The following PIK3CB variants were observed in gnomAD, a reference collection of about 807,000 sequenced individuals.
PIK3CB encodes the protein phosphatidylinositol 4,5-bisphosphate 3-kinase catalytic subunit beta isoform.
A neutral mutation model predicts 136.8 loss-of-function variants in PIK3CB; 39 were observed. The ratio of observed to expected loss-of-function variants is 0.29; its 90% CI spans 0.22 to 0.37. PIK3CB has a LOEUF of 0.37. PIK3CB is among the 10% of genes least tolerant of loss of function. The pLI is 1.00. For missense variants in PIK3CB, 868 were observed against 1,275.4 expected, an observed-to-expected ratio of 0.68 and a Z score of 4.87; for synonymous variants, 428 against 436.6, an observed-to-expected ratio of 0.98 and a Z score of 0.25.
At chr3:138,668,211 G>A (rs546208444) in intron 19 of PIK3CB, among the ~76,000 whole-genome samples, 1 of 152,208 alleles carries the variant, frequency 6.6e-6, no homozygotes, top group South Asian at 2.1e-4. Flanking sequence ...TTCTTATCAT[G>A]ACATAACACA....
At chr3:138,814,251 G>A (rs1042620901) in intron 1 of PIK3CB, among the ~76,000 whole-genome samples, 1 of 152,136 alleles carries the variant, frequency 6.6e-6, no homozygotes, top group African/African-American at 2.4e-5. Context: ...GCCCAGGCGG[G>A]AGGATCACTT....
At chr3:138,738,338 AT>A (rs1239447350) in intron 5 of PIK3CB, among the ~76,000 whole-genome samples, 2 of 151,944 alleles carry the variant, frequency 1.3e-5, no homozygotes, top group Non-Finnish European at 2.9e-5. Flanking sequence ...CGCCTGGCTA[AT>A]TTTTTGTATC....
chr3:138,679,057 C>G (rs1290554998), intron 19 of PIK3CB, among the ~76,000 whole-genome samples: 1 of 151,942 alleles, frequency 6.6e-6, no homozygotes, highest in Non-Finnish European at 1.5e-5. Flanking sequence ...CAGAGTAAGA[C>G]TCTGACTCAA....
At chr3:138,693,948 TA>T (rs888872234) in intron 14 of PIK3CB, among the ~76,000 whole-genome samples, 1 of 34,980 alleles carries the variant, frequency 2.9e-5, no homozygotes, top group Non-Finnish European at 4.2e-5. Context: ...TATATATATA[TA>T]TATATATATA....
At chr3:138,712,594 A>C (rs1261253638) in intron 9 of PIK3CB, among the ~76,000 whole-genome samples, 6 of 148,414 alleles carry the variant, frequency 4.0e-5, no homozygotes, top group African/African-American at 1.5e-4. Flanking sequence ...TTTGAGATGG[A>C]GTCCCACTCT....
chr3:138,812,763 A>G (rs1933129590), intron 1 of PIK3CB, among the ~76,000 whole-genome samples: 1 of 151,424 alleles, frequency 6.6e-6, no homozygotes, highest in Non-Finnish European at 1.5e-5. Context: ...TCCTTACATC[A>G]GGTGATCCAC....
At chr3:138,723,316 CGAGGTGGGCAGATCGCTT>C (rs1559842074) in intron 8 of PIK3CB, among the ~76,000 whole-genome samples, 2 of 152,050 alleles carry the variant, frequency 1.3e-5, no homozygotes, top group Non-Finnish European at 1.5e-5. Flanking sequence ...TTTGGGAGGT[CGAGGTGGGCAGATCGCTT>C]GAGCTCAGGA....
chr3:138,670,805 G>A (rs1190439313), intron 19 of PIK3CB, among the ~76,000 whole-genome samples: 1 of 152,056 alleles, frequency 6.6e-6, no homozygotes, highest in Non-Finnish European at 1.5e-5. Flanking sequence ...AAAAAAATCT[G>A]TCACCTGTAG....
At chr3:138,827,309 C>G (rs192817159) in intron 1 of PIK3CB, among the ~76,000 whole-genome samples, 1 of 152,068 alleles carries the variant, frequency 6.6e-6, no homozygotes, top group Non-Finnish European at 1.5e-5. Flanking sequence ...TGTCTAAAGG[C>G]TTGGTCTTTT....
chr3:138,693,091 A>C (rs776785204), intron 14 of PIK3CB, among the ~76,000 whole-genome samples: 17 of 152,090 alleles, frequency 1.1e-4, no homozygotes, highest in Non-Finnish European at 2.2e-4. Context: ...TTATTTATTT[A>C]TGTATTTGTA....
intron 2 of PIK3CB, among the ~76,000 whole-genome samples, chr3:138,771,368 G>A (rs1576404053): frequency 6.6e-6 from 1 of 151,814 alleles, no homozygotes; most frequent in Non-Finnish European, 1.5e-5. Context: ...GACCACAGTC[G>A]CCCGCCACCG....
At chr3:138,661,597 TGATTGGACGGAAGTCCAAGG>T (rs1410340904) in intron 21 of PIK3CB, among the ~76,000 whole-genome samples, 1 of 152,280 alleles carries the variant, frequency 6.6e-6, no homozygotes, top group Non-Finnish European at 1.5e-5. Context: ...GTGTTTAATG[TGATTGGACGGAAGTCCAAGG>T]GACTCCTTTT....
chr3:138,686,158 G>A (rs1272475007), intron 16 of PIK3CB, among the ~76,000 whole-genome samples: 1 of 151,392 alleles, frequency 6.6e-6, no homozygotes, highest in Non-Finnish European at 1.5e-5. Flanking sequence ...ATAAATCAGG[G>A]TCAGGTGCAG....
chr3:138,729,933 CTTA>C (rs2108629865), intron 8 of PIK3CB, among the ~76,000 whole-genome samples: 1 of 152,230 alleles, frequency 6.6e-6, no homozygotes, highest in South Asian at 2.1e-4. Flanking sequence ...TACTGGGATT[CTTA>C]GCCAGTGCAT....
chr3:138,742,321 TC>T (rs2045262013), intron 5 of PIK3CB, among the ~76,000 whole-genome samples: 2 of 152,154 alleles, frequency 1.3e-5, no homozygotes, highest in African/African-American at 2.4e-5. Flanking sequence ...AATTAAACAG[TC>T]CAGTTTGCCA....
At chr3:138,798,072 A>C (rs1211185958) in intron 1 of PIK3CB, among the ~76,000 whole-genome samples, 1 of 152,196 alleles carries the variant, frequency 6.6e-6, no homozygotes, top group African/African-American at 2.4e-5. Context: ...CCAATTTGCA[A>C]AATAACAGTT....
intron 3 of PIK3CB, among the ~76,000 whole-genome samples, chr3:138,756,186 T>C (rs1264798746): frequency 6.6e-6 from 1 of 152,014 alleles, no homozygotes; most frequent in African/African-American, 2.4e-5. Context: ...TAGAAAAAAA[T>C]ATAAATTCAT....
intron 3 of PIK3CB, 39 bp from the exon 4 acceptor site, chr3:138,756,018 C>T (rs1011404089): frequency 1.7e-6 from 2 of 1,147,210 alleles, no homozygotes; most frequent in Admixed American, 3.5e-5. Context: ...AATGGAAACA[C>T]TTGCTCAAGT....
intron 2 of PIK3CB, among the ~76,000 whole-genome samples, chr3:138,764,408 C>T (rs1576399945): frequency 6.6e-6 from 1 of 152,004 alleles, no homozygotes; most frequent in Admixed American, 6.6e-5. Context: ...CTGTTAATTG[C>T]ACCACTGCTC....
Sources: gnomAD v4.1 joint callset for allele counts (sites outside exome capture counted in the v4.1 genomes callset) on GRCh38, gnomAD v4.1.1 for gene constraint, MANE v1.5 for transcripts, NCBI Gene and HGNC (gene_info 2026-07-23, HGNC 2026-07-21) for gene names.